Variants in PAPOLA observed in about 807,000 individuals in gnomAD.
PAPOLA encodes polynucleotide adenylyltransferase alpha.
In PAPOLA, 15 loss-of-function variants were observed where a neutral mutation model predicts 100.6. That is an observed-to-expected ratio of 0.15 (90% CI 0.10 to 0.23). The LOEUF (loss-of-function observed/expected upper bound fraction) is 0.23, where lower values mean the gene tolerates loss of function less well. Among genes scored for constraint, PAPOLA ranks in the 10% least tolerant of loss-of-function variants. The pLI, the probability that PAPOLA is intolerant of heterozygous loss-of-function variation, is 1.00. For synonymous variants in PAPOLA, 293 were observed against 300.0 expected, an observed-to-expected ratio of 0.98 and a Z score of 0.24; for missense variants, 533 against 884.2, an observed-to-expected ratio of 0.60 and a Z score of 5.04.
intron 3 of PAPOLA, among the ~76,000 whole-genome samples, chr14:96,524,582 C>A (rs1006423497): frequency 6.6e-6 from 1 of 151,910 alleles, no homozygotes. Flanking sequence ...AGTGCAGTGG[C>A]GTGATCATGG....
intron 4 of PAPOLA, chr14:96,526,974 T>G (rs1189749315): frequency 6.5e-6 from 1 of 154,346 alleles, no homozygotes; most frequent in Admixed American, 6.5e-5. Flanking sequence ...ATTTTACCAT[T>G]GTCTACTTCT....
At chr14:96,503,597 G>C (rs767454322) in intron 1 of PAPOLA, among the ~76,000 whole-genome samples, 14 of 151,850 alleles carry the variant, frequency 9.2e-5, no homozygotes, top group Non-Finnish European at 2.1e-4. Context: ...ATATTGAAGC[G>C]TAAGAGTGCC....
Position 96,511,169 on chromosome 14 carries a change from G to A in PAPOLA, c.8+8569G>A, listed in dbSNP as rs557273188. ...CTGTTAAGTAGTAGCTATAAATTGG[G>A]GCAGTTGACTCTGTTAATATCATGG... On this transcript the variant is annotated intron_variant, in intron 1 of 21. Transcript: ENST00000216277. Among the ~76,000 whole-genome samples, 8 of 152,228 alleles carry A rather than the reference G, an allele frequency of 5.3e-5. No individual in the cohort carries two copies. In the East Asian group the frequency reaches 1.4e-3, roughly 26 times the overall value.
chr14:96,519,000 T>C (rs1188153990), intron 1 of PAPOLA, among the ~76,000 whole-genome samples: 2 of 152,068 alleles, frequency 1.3e-5, no homozygotes, highest in African/African-American at 4.8e-5. Flanking sequence ...GAGGTTGCAG[T>C]GAGCTGAGAT....
At chr14:96,522,731 A>G (rs1395145875) in intron 3 of PAPOLA, among the ~76,000 whole-genome samples, 1 of 152,168 alleles carries the variant, frequency 6.6e-6, no homozygotes, top group African/African-American at 2.4e-5. Context: ...CTTCATTATG[A>G]ATACTCATAC....
In PAPOLA at chr14:96,560,415, G is replaced by A. The variant is rs1901744522; in HGVS notation, c.2005-234G>A. ...GTGGTTTTGGAAATGTACTTTAGGT[G>A]GTGATCTGCAGTAACAGTTTTCCTA... On this transcript the variant is annotated intron_variant, in intron 19 of 21. Coordinates refer to ENST00000216277, the MANE Select transcript of PAPOLA (RefSeq NM_032632.5). 6 of 388,786 alleles carry A rather than the reference G, an allele frequency of 1.5e-5. No homozygotes were observed. The South Asian group carries it at 2.3e-4, about 15-fold the overall frequency. The allele number at this position is 388,786 out of a possible 1,614,324, so 24.1% of individuals were successfully genotyped here.
chr14:96,506,709 TG>T (rs1896738665), intron 1 of PAPOLA, among the ~76,000 whole-genome samples: 1 of 152,242 alleles, frequency 6.6e-6, no homozygotes, highest in Non-Finnish European at 1.5e-5. Context: ...AAAAAAAGAA[TG>T]TTTTTTAATA....
chr14:96,533,260 A>C (rs1327476041), intron 9 of PAPOLA: 1 of 984,460 alleles, frequency 1.0e-6, no homozygotes, highest in Non-Finnish European at 1.2e-6. Context: ...ATTTTATATT[A>C]ATTGCCTTGG....
chr14:96,510,786 T>TA (rs1897062870), intron 1 of PAPOLA, among the ~76,000 whole-genome samples: 1 of 152,240 alleles, frequency 6.6e-6, no homozygotes, highest in African/African-American at 2.4e-5. Flanking sequence ...CAGAACACCT[T>TA]ACGGTGGGCC....
chr14:96,565,070 TAAAC>T lies in PAPOLA; in HGVS notation c.*23_*26del, dbSNP rs1295258551. The T allele has an allele frequency of 8.2e-7, 1 of 1,223,684 alleles. No homozygotes were observed. Among genetic ancestry groups the T allele is most frequent in the African/African-American group, 1.5e-5 (1 of 67,402 alleles). 75.8% of individuals were successfully genotyped at this position (1,223,684 alleles called of 1,614,324 possible). A position where few individuals can be genotyped will look rare whatever the true frequency, so the allele number is the denominator to read the frequency against. On this transcript the variant is annotated 3_prime_UTR_variant, in exon 22 of 22. Transcript: ENST00000216277. ...CGGTAAAAACAACCTCAGGGGTCCATAAACAATATCTGCCAACTCAACCTGTTGT... is the reference window on the plus strand; with the variant it reads ...CGGTAAAAACAACCTCAGGGGTCCATAATATCTGCCAACTCAACCTGTTGT...
rs867803125 is a variant in PAPOLA, at chr14:96,545,676, A to G, written c.1399+1418A>G. 3.3e-5 allele frequency among the ~76,000 whole-genome samples: 5 copies of G among 152,154 alleles called. No individual in the cohort carries two copies. In the Middle Eastern group the frequency reaches 0.01, roughly 311 times the overall value. On this transcript the variant is annotated intron_variant, in intron 15 of 21. Transcript: ENST00000216277. ...TTTAGGAATGTAGGAAGGACATGGT[A>G]TAATTCTGTGTTGGGTAGAACTGTC...
chr14:96,540,413 C>CTT (rs1003084827), intron 12 of PAPOLA, among the ~76,000 whole-genome samples: 5 of 138,610 alleles, frequency 3.6e-5, no homozygotes, highest in Admixed American at 7.2e-5. Flanking sequence ...TGTTCTTTAC[C>CTT]TTTTTTTTTT....
At chr14:96,515,550 C>T (rs1023524817) in intron 1 of PAPOLA, among the ~76,000 whole-genome samples, 2 of 152,120 alleles carry the variant, frequency 1.3e-5, no homozygotes, top group Admixed American at 6.5e-5. Context: ...AAAAATAGTT[C>T]TTAAGGAAAT....
intron 1 of PAPOLA, among the ~76,000 whole-genome samples, chr14:96,519,299 G>A (rs772813687): frequency 6.6e-6 from 1 of 151,986 alleles, no homozygotes; most frequent in Non-Finnish European, 1.5e-5. Context: ...TTTCCTTATT[G>A]TGTACTTGGT....
At chr14:96,502,668 A>G (rs922819908) in intron 1 of PAPOLA, 68 bp downstream of exon 1, 15 of 1,536,300 alleles carry the variant, frequency 9.8e-6, no homozygotes, top group African/African-American at 1.4e-5. Flanking sequence ...GGGAAGGGGA[A>G]GAGGTAGGCG....
chr14:96,561,056 G>T (rs1328513880), intron 20 of PAPOLA, among the ~76,000 whole-genome samples: 1 of 152,166 alleles, frequency 6.6e-6, no homozygotes, highest in East Asian at 1.9e-4. Context: ...ATTGAAGAAA[G>T]AAGTAGCATT....
In PAPOLA at chr14:96,565,917, C is replaced by T. The variant is rs961796721; in HGVS notation, c.*867C>T. On this transcript the variant is annotated 3_prime_UTR_variant, in exon 22 of 22. Coordinates refer to ENST00000216277, the MANE Select transcript of PAPOLA (RefSeq NM_032632.5). ...TGTATGCACAAGGTAGGACTTACTT[C>T]GTAAGAAACAAAATGCCAGTATTTT... 5.3e-5 allele frequency: 21 copies of T among 398,308 alleles called. No homozygotes were observed. The highest frequency in any genetic ancestry group is 7.5e-5 in the Non-Finnish European group (17 of 225,660). The allele number at this position is 398,308 out of a possible 1,614,324, so 24.7% of individuals were successfully genotyped here.
intron 5 of PAPOLA, 97 bp downstream of exon 5, chr14:96,527,636 G>T: frequency 5.6e-6 from 4 of 710,446 alleles, no homozygotes; most frequent in Non-Finnish European, 9.8e-6. Flanking sequence ...TTGAGTTCTT[G>T]CAATTTGCCA....
At chr14:96,527,154 T>C in intron 4 of PAPOLA, 1 of 410,610 alleles carries the variant, frequency 2.4e-6, no homozygotes, top group South Asian at 3.6e-5. Flanking sequence ...AATAATTCCC[T>C]CTCCACCATG....
Sources: allele counts gnomAD v4.1 joint callset (sites outside exome capture counted in the v4.1 genomes callset), GRCh38; gene constraint gnomAD v4.1.1; transcripts MANE v1.5; gene names NCBI Gene and HGNC (gene_info 2026-07-23, HGNC 2026-07-21).